The following GGNBP2 variants were observed in gnomAD, a reference collection of about 807,000 sequenced individuals.
GGNBP2 encodes gametogenetin-binding protein 2.
GGNBP2 carries 10 observed loss-of-function variants against 85.9 expected under a neutral mutation model. That is an observed-to-expected ratio of 0.12 (90% CI 0.07 to 0.20). GGNBP2 has a LOEUF of 0.20. Among genes scored for constraint, GGNBP2 ranks in the 10% least tolerant of loss-of-function variants. GGNBP2 has a pLI of 1.00. For missense variants in GGNBP2, 595 were observed against 857.8 expected (o/e 0.69, Z 3.83); for synonymous variants, 287 against 285.7 (o/e 1.00, Z -0.05).
At chr17:36,583,294 C>T (rs1269449269) in intron 9 of GGNBP2, among the ~76,000 whole-genome samples, 3 of 151,874 alleles carry the variant, frequency 2.0e-5, no homozygotes, top group Non-Finnish European at 2.9e-5. Context: ...CCTCGTGATC[C>T]GCCCGCCTCA....
chr17:36,569,582 G>C (rs1555606434), intron 6 of GGNBP2, among the ~76,000 whole-genome samples: 1 of 152,178 alleles, frequency 6.6e-6, no homozygotes, highest in African/African-American at 2.4e-5. Flanking sequence ...AAAAACTGGT[G>C]TCATTACTTT....
chr17:36,550,138 A>G (rs2074295217), intron 2 of GGNBP2, among the ~76,000 whole-genome samples: 1 of 152,028 alleles, frequency 6.6e-6, no homozygotes, highest in Non-Finnish European at 1.5e-5. Context: ...AGGCGTCACC[A>G]TTTTGGCCAG....
intron 12 of GGNBP2, 162 bp from the exon 13 acceptor site, chr17:36,586,835 T>C: frequency 1.5e-6 from 1 of 652,386 alleles, no homozygotes; most frequent in Non-Finnish European, 2.5e-6. Context: ...GCCAGGCTGG[T>C]CTTGAACACT....
rs777574102 is a variant in GGNBP2 at position 36,585,971 on chromosome 17, C to T, written c.1492+6C>T. On this transcript the variant is annotated splice_donor_region_variant and intron_variant, in intron 11 of 13. Coordinates refer to ENST00000613102, the MANE Select transcript of GGNBP2 (RefSeq NM_024835.5). ...TTGTAATCATGATGAACACGGTAGG[C>T]TCACATTAAGTTTCCCAGTTATTTC... 1.5e-5 allele frequency: 25 copies of T among 1,614,044 alleles called. No individual in the cohort carries two copies. Among genetic ancestry groups the T allele is most frequent in the Non-Finnish European group, 1.9e-5 (23 of 1,179,992 alleles).
At chr17:36,580,212 CT>C (rs71159621) in intron 8 of GGNBP2, among the ~76,000 whole-genome samples, 86 of 137,500 alleles carry the variant, frequency 6.3e-4, no homozygotes, top group Non-Finnish European at 7.3e-4. Context: ...CTTTTCTTTT[CT>C]TTTTTTTTTT....
At chr17:36,553,950 G>A (rs545446615) in intron 2 of GGNBP2, among the ~76,000 whole-genome samples, 1 of 152,184 alleles carries the variant, frequency 6.6e-6, no homozygotes, top group East Asian at 1.9e-4. Flanking sequence ...CCTTCCTATG[G>A]TAGTGAATTT....
At chr17:36,569,150 G>A (rs535479031) in intron 6 of GGNBP2, among the ~76,000 whole-genome samples, 8 of 152,202 alleles carry the variant, frequency 5.3e-5, no homozygotes, top group African/African-American at 1.2e-4. Flanking sequence ...GGTGGCTCAC[G>A]TCTGTAATCC....
chr17:36,588,792 G>T (rs1225688787), intron 13 of GGNBP2, among the ~76,000 whole-genome samples: 1 of 152,092 alleles, frequency 6.6e-6, no homozygotes, highest in Non-Finnish European at 1.5e-5. Flanking sequence ...TTTAATGGTT[G>T]TAAAAGTTTA....
chr17:36,573,607 A>G (rs866003325), intron 6 of GGNBP2, among the ~76,000 whole-genome samples: 2 of 152,332 alleles, frequency 1.3e-5, no homozygotes, highest in Middle Eastern at 3.4e-3. Flanking sequence ...ACCGGTTTCC[A>G]TAGCAGCTGT....
rs544829415 is a variant in GGNBP2, at chr17:36,550,624, T to G, written c.94-4196T>G. Among the ~76,000 whole-genome samples, 13 of 152,334 alleles carry G rather than the reference T, an allele frequency of 8.5e-5. No homozygotes were observed. The East Asian group carries it at 2.5e-3, about 29-fold the overall frequency. ...GAGAATGCGCTAAAAACAGGTTTTTTTTGTGGTCAGGAGAAACCAGAACAG... is the reference window on the plus strand; with the variant it reads ...GAGAATGCGCTAAAAACAGGTTTTTGTTGTGGTCAGGAGAAACCAGAACAG... On this transcript the variant is annotated intron_variant, in intron 2 of 13. Coordinates refer to ENST00000613102, the MANE Select transcript of GGNBP2 (RefSeq NM_024835.5).
At chr17:36,564,739 C>T (rs572491103) in intron 5 of GGNBP2, among the ~76,000 whole-genome samples, 10 of 152,228 alleles carry the variant, frequency 6.6e-5, no homozygotes, top group African/African-American at 1.9e-4. Context: ...TATGTATTTC[C>T]ACTCCCCCTC....
chr17:36,561,674 A>G (rs1010656227), intron 5 of GGNBP2, among the ~76,000 whole-genome samples: 3 of 151,974 alleles, frequency 2.0e-5, no homozygotes, highest in Middle Eastern at 3.2e-3. Flanking sequence ...CCCAGGCTGG[A>G]GTGCAGTGGC....
At chr17:36,576,589 A>ATGTG (rs1375645555) in intron 6 of GGNBP2, 1 of 41,390 alleles carries the variant, frequency 2.4e-5, no homozygotes, top group African/African-American at 1.1e-4. Context: ...AAAAAAATAT[A>ATGTG]TATATATGTG....
At chr17:36,562,522 ATT>A (rs374250202) in intron 5 of GGNBP2, among the ~76,000 whole-genome samples, 13 of 132,350 alleles carry the variant, frequency 9.8e-5, no homozygotes, top group Admixed American at 1.5e-4. Flanking sequence ...CCTTTTTTTG[ATT>A]TTTTTTTTTT....
At chr17:36,557,000 A>C (rs2074368588) in intron 3 of GGNBP2, 83 bp from the exon 4 acceptor site, 2 of 1,537,254 alleles carry the variant, frequency 1.3e-6, no homozygotes, top group Non-Finnish European at 1.8e-6. Flanking sequence ...ACTTTACTGC[A>C]CAAGGATAGG....
At chr17:36,571,428 T>C (rs1334896263) in intron 6 of GGNBP2, among the ~76,000 whole-genome samples, 2 of 152,118 alleles carry the variant, frequency 1.3e-5, no homozygotes, top group Non-Finnish European at 2.9e-5. Context: ...CGTGTGCCTG[T>C]AATCCCAGCT....
chr17:36,581,322 C>T, intron 8 of GGNBP2, 22 bp from the exon 9 acceptor site: 1 of 1,519,250 alleles, frequency 6.6e-7, no homozygotes, highest in Non-Finnish European at 9.0e-7. Context: ...AATATTCACC[C>T]TCAACCTTAT....
chr17:36,545,303 C>T (rs2074238273), intron 1 of GGNBP2, among the ~76,000 whole-genome samples: 2 of 150,638 alleles, frequency 1.3e-5, no homozygotes, highest in African/African-American at 4.9e-5. Flanking sequence ...GGGGCCCAGG[C>T]CAGGGGTGGG....
At chr17:36,550,175 T>C (rs988294930) in intron 2 of GGNBP2, among the ~76,000 whole-genome samples, 2 of 152,162 alleles carry the variant, frequency 1.3e-5, no homozygotes, top group Non-Finnish European at 2.9e-5. Flanking sequence ...TGACCTCAAG[T>C]GATCTGCCTG....
Sources: allele counts gnomAD v4.1 joint callset (sites outside exome capture counted in the v4.1 genomes callset), GRCh38; gene constraint gnomAD v4.1.1; transcripts MANE v1.5; gene names NCBI Gene and HGNC (gene_info 2026-07-23, HGNC 2026-07-21).